The following PATJ variants were observed in gnomAD, a reference collection of about 807,000 sequenced individuals.
PATJ encodes PATJ crumbs cell polarity complex component, also known as inaD-like protein.
A neutral mutation model predicts 224.9 loss-of-function variants in PATJ; 190 were observed. The observed-to-expected ratio is 0.84, with a 90% CI of 0.75 to 0.95. PATJ has a LOEUF of 0.95. PATJ is among the 40% of genes least tolerant of loss of function. PATJ has a pLI of 0.00. For synonymous variants in PATJ, 769 were observed against 820.3 expected (o/e 0.94, Z 1.07); for missense variants, 2,121 against 2,270.3 (o/e 0.93, Z 1.34).
intron 3 of PATJ, among the ~76,000 whole-genome samples, chr1:61,763,984 GTGTGTGTGTGTGGTCTTTTTTTT>G (rs1646119063): frequency 2.7e-5 from 4 of 149,524 alleles, no homozygotes; most frequent in African/African-American, 7.3e-5. Context: ...GTCTTTTTTT[GTGTGTGTGTGTGGTCTTTTTTTT>G]TGTGTGTGTG....
In PATJ at chr1:61,771,537, G is replaced by A; in HGVS notation, c.631G>A (p.Gly211Arg). ...QAIALLQQTT[G>R]SLRLIVAREP... The stretch of plus-strand genomic sequence containing the variant: ...AATTGCATTATTACAACAAACCACT[G>A]GATCTTTGAGACTGATTGTGGCCAG... Residue 211 changes from glycine to arginine, a missense_variant, in exon 6 of 44, where the codon GGA becomes AGA. Physicochemically the swap from Gly to Arg is moderately radical, Grantham distance 125. Transcript: ENST00000642238. The A allele has an allele frequency of 6.2e-7, 1 of 1,613,062 alleles. No homozygotes were observed. The highest frequency in any genetic ancestry group is 8.5e-7 in the Non-Finnish European group (1 of 1,179,584).
At chr1:61,839,131 G>A (rs1228533937) in intron 17 of PATJ, among the ~76,000 whole-genome samples, 1 of 151,664 alleles carries the variant, frequency 6.6e-6, no homozygotes, top group Non-Finnish European at 1.5e-5. Context: ...TTCTGCCGCC[G>A]ACTCCTCCAC....
chr1:61,747,188 A>G (rs1434148708), intron 1 of PATJ, among the ~76,000 whole-genome samples: 2 of 145,334 alleles, frequency 1.4e-5, no homozygotes, highest in Admixed American at 7.0e-5. Flanking sequence ...GACCATTGCT[A>G]TGTTTTCTTC....
chr1:62,117,056 G>T (rs888473143), intron 36 of PATJ, 76 bp from the exon 37 acceptor site: 1 of 1,209,022 alleles, frequency 8.3e-7, no homozygotes, highest in Admixed American at 1.8e-5. Context: ...GTGGCTGCAG[G>T]GAGAGGCTCT....
intron 15 of PATJ, among the ~76,000 whole-genome samples, chr1:61,823,951 G>A (rs1657750106): frequency 6.6e-6 from 1 of 152,162 alleles, no homozygotes; most frequent in Non-Finnish European, 1.5e-5. Context: ...GGGTATTGGA[G>A]TCCTGTTTTA....
intron 27 of PATJ, among the ~76,000 whole-genome samples, chr1:61,948,032 T>TC (rs1395334843): frequency 2.6e-4 from 39 of 152,222 alleles, no homozygotes; most frequent in African/African-American, 8.9e-4. Flanking sequence ...TGAAACTGGA[T>TC]CCTTCCTTAC....
chr1:61,806,886 T>G, intron 13 of PATJ, among the ~76,000 whole-genome samples: 1 of 152,074 alleles, frequency 6.6e-6, no homozygotes, highest in East Asian at 1.9e-4. Context: ...GTGGAGTAGC[T>G]CACACCTGTA....
chr1:61,901,988 C>T (rs143169361), intron 24 of PATJ, among the ~76,000 whole-genome samples: 1,547 of 152,082 alleles, frequency 0.01, 15 homozygotes, highest in Admixed American at 0.017. Flanking sequence ...TTTGGGAGGC[C>T]GAAGCAGGCA....
chr1:61,965,121 CAAAAAAAAAAAAAAAAAAAAAAAA>C (rs34267345), intron 27 of PATJ, among the ~76,000 whole-genome samples: 23 of 54,388 alleles, frequency 4.2e-4, no homozygotes, highest in South Asian at 1.3e-3. Context: ...GACTCTGTCT[CAAAAAAAAAAAAAAAAAAAAAAAA>C]AAAAAAAAAA....
chr1:61,884,143 C>T (rs748581826), intron 21 of PATJ, 94 bp from the exon 22 acceptor site: 13 of 786,478 alleles, frequency 1.7e-5, no homozygotes, highest in South Asian at 8.6e-5. Context: ...CTGGAAGAGT[C>T]CCCTCCCATA....
chr1:61,968,797 A>C (rs1040603224), intron 27 of PATJ, among the ~76,000 whole-genome samples: 4 of 152,130 alleles, frequency 2.6e-5, no homozygotes, highest in African/African-American at 7.2e-5. Context: ...CCTATGAGTG[A>C]GAACATGCAA....
At chr1:61,899,764 A>G (rs1216771418) in intron 23 of PATJ, 110 bp downstream of exon 23, 4 of 663,212 alleles carry the variant, frequency 6.0e-6, no homozygotes, top group Non-Finnish European at 9.9e-6. Flanking sequence ...GAGAATTGCG[A>G]TAATTCACCT....
chr1:62,041,558 A>C (rs905634021), intron 30 of PATJ, among the ~76,000 whole-genome samples: 17 of 152,290 alleles, frequency 1.1e-4, no homozygotes, highest in Non-Finnish European at 1.8e-4. Flanking sequence ...GAGGGAGCTG[A>C]GGGGAAGTAG....
intron 1 of PATJ, among the ~76,000 whole-genome samples, chr1:61,754,286 A>C (rs1267535742): frequency 2.6e-5 from 4 of 152,202 alleles, no homozygotes; most frequent in African/African-American, 9.7e-5. Context: ...TGAATGACCA[A>C]AGATTTCCTA....
chr1:61,954,857 C>A (rs1421922708), intron 27 of PATJ, among the ~76,000 whole-genome samples: 1 of 151,296 alleles, frequency 6.6e-6, no homozygotes, highest in Non-Finnish European at 1.5e-5. Flanking sequence ...GGGTTCACAG[C>A]ATTCTCCTGC....
At chr1:61,951,100 G>A (rs1302840675) in intron 27 of PATJ, among the ~76,000 whole-genome samples, 5 of 151,562 alleles carry the variant, frequency 3.3e-5, no homozygotes, top group African/African-American at 1.2e-4. Context: ...AGCCAAGGTC[G>A]CGCCTCTGCA....
At chr1:62,126,390 C>A (rs1446894079) in intron 39 of PATJ, among the ~76,000 whole-genome samples, 1 of 152,130 alleles carries the variant, frequency 6.6e-6, no homozygotes, top group African/African-American at 2.4e-5. Context: ...TATTTGGTTT[C>A]TTTTTGTTTC....
chr1:61,987,445 T>C (rs113338498), intron 27 of PATJ, among the ~76,000 whole-genome samples: 2 of 152,140 alleles, frequency 1.3e-5, no homozygotes, highest in African/African-American at 4.8e-5. Flanking sequence ...GAGAGGTGTG[T>C]TAAAATTGGT....
intron 27 of PATJ, among the ~76,000 whole-genome samples, chr1:61,963,529 G>A (rs1268764435): frequency 6.6e-6 from 1 of 152,164 alleles, no homozygotes; most frequent in African/African-American, 2.4e-5. Flanking sequence ...CCAGGAGGCA[G>A]AGGTTGCAGT....
Sources: allele counts gnomAD v4.1 joint callset (sites outside exome capture counted in the v4.1 genomes callset), GRCh38; gene constraint gnomAD v4.1.1; transcripts MANE v1.5; gene names NCBI Gene and HGNC (gene_info 2026-07-23, HGNC 2026-07-21).